The following PALM2AKAP2 variants were observed in gnomAD, a reference collection of about 807,000 sequenced individuals.
PALM2AKAP2 encodes the protein PALM2 and AKAP2 fusion.
In PALM2AKAP2, 37 loss-of-function variants were observed where a neutral mutation model predicts 71.5. The ratio of observed to expected loss-of-function variants is 0.52; its 90% CI spans 0.40 to 0.68. The LOEUF (loss-of-function observed/expected upper bound fraction) is 0.68. PALM2AKAP2 is among the 30% of genes least tolerant of loss of function. The probability of loss-of-function intolerance (pLI) is 0.00; values close to 1 mark genes in which losing one functional copy is unlikely to be tolerated. For missense variants in PALM2AKAP2, 1,224 were observed against 1,191.8 expected (o/e 1.03, Z -0.40); for synonymous variants, 468 against 478.8 (o/e 0.98, Z 0.29).
intron 3 of PALM2AKAP2, 152 bp from the exon 4 acceptor site, chr9:109,923,583 T>C: frequency 1.4e-6 from 1 of 721,672 alleles, no homozygotes; most frequent in Non-Finnish European, 2.2e-6. Flanking sequence ...CACAAGATGC[T>C]GTGTAATGTA....
chr9:109,641,100 C>T (rs1827059757), intron 1 of PALM2AKAP2, among the ~76,000 whole-genome samples: 1 of 152,100 alleles, frequency 6.6e-6, no homozygotes, highest in Non-Finnish European at 1.5e-5. Context: ...GCCTGGGGGG[C>T]GAGTGAGGGG....
chr9:109,895,878 G>T (rs745520735), intron 3 of PALM2AKAP2, among the ~76,000 whole-genome samples: 7 of 152,112 alleles, frequency 4.6e-5, no homozygotes, highest in Admixed American at 1.3e-4. Flanking sequence ...CAGCAGCAAG[G>T]AGAAGCGCTG....
rs187371221 is a variant in PALM2AKAP2 at position 109,757,422 on chromosome 9, G to C, written c.6-23066G>C. ...GATGCCTGGTGCCCTTACCACTTAT[G>C]AAGTAACCATCGGTTTCCACCACTA... On this transcript the variant is annotated intron_variant, in intron 1 of 6. Transcript: ENST00000374531. Among the ~76,000 whole-genome samples, 558 of 152,158 alleles carry C rather than the reference G, an allele frequency of 3.7e-3. 3 individuals carry two copies. Among genetic ancestry groups the C allele is most frequent in the Non-Finnish European group, 6.4e-3 (434 of 68,002 alleles).
chr9:110,145,875 T>C (rs1836153219), intron 2 of PALM2AKAP2, among the ~76,000 whole-genome samples: 1 of 143,444 alleles, frequency 7.0e-6, no homozygotes, highest in Non-Finnish European at 1.5e-5. Flanking sequence ...TAAACCTGCC[T>C]GTCAGCCTCA....
intron 2 of PALM2AKAP2, among the ~76,000 whole-genome samples, chr9:110,140,210 T>A (rs1364427708): frequency 6.6e-6 from 1 of 152,242 alleles, no homozygotes; most frequent in East Asian, 1.9e-4. Context: ...TGGATTATAA[T>A]CCATTTCTTT....
intron 1 of PALM2AKAP2, among the ~76,000 whole-genome samples, chr9:109,688,750 A>T (rs988100345): frequency 6.6e-6 from 1 of 152,246 alleles, no homozygotes; most frequent in Non-Finnish European, 1.5e-5. Flanking sequence ...ATGCTAACAA[A>T]TAATTATAGG....
At chr9:109,717,331 C>G (rs372717342) in intron 1 of PALM2AKAP2, among the ~76,000 whole-genome samples, 1 of 152,112 alleles carries the variant, frequency 6.6e-6, no homozygotes, top group East Asian at 1.9e-4. Flanking sequence ...CTGCTTTGGT[C>G]AGGCTGGCTC....
intron 1 of PALM2AKAP2, among the ~76,000 whole-genome samples, chr9:109,657,185 C>A (rs56123241): frequency 0.089 from 13,583 of 152,280 alleles, 736 homozygotes; most frequent in South Asian, 0.19. Flanking sequence ...AAATTCTCAA[C>A]CACTGTGAGA....
In PALM2AKAP2 at chr9:109,867,164, C is replaced by CTCTG. The variant is rs879237135; in HGVS notation, c.46-326_46-325insCTGT. On this transcript the variant is annotated intron_variant, in intron 1 of 9. Coordinates refer to the PALM2AKAP2 transcript ENST00000302798. ...TTAACACTGCACAGAACATGGTTCT[C>CTCTG]TGTGTGTGTGTGTGTGTGTGTGTGT... 1,848 of 399,696 alleles carry CTCTG rather than the reference C, an allele frequency of 4.6e-3. 2 individuals carry two copies. The highest frequency in any genetic ancestry group is 6.7e-3 in the Non-Finnish European group (1,336 of 199,738). The allele number at this position is 399,696 out of a possible 1,614,324, so 24.8% of individuals were successfully genotyped here. A position where few individuals can be genotyped will look rare whatever the true frequency, so the allele number is the denominator to read the frequency against.
At chr9:109,686,247 A>G (rs1827804220) in intron 1 of PALM2AKAP2, among the ~76,000 whole-genome samples, 1 of 152,218 alleles carries the variant, frequency 6.6e-6, no homozygotes, top group Non-Finnish European at 1.5e-5. Flanking sequence ...TCTTAATGGC[A>G]TCTAGAATGG....
intron 7 of PALM2AKAP2, among the ~76,000 whole-genome samples, chr9:110,027,389 C>T (rs1213414232): frequency 2.6e-5 from 4 of 152,162 alleles, no homozygotes; most frequent in Admixed American, 1.3e-4. Context: ...CCAACTAAAT[C>T]GTAGATGCTC....
intron 1 of PALM2AKAP2, among the ~76,000 whole-genome samples, chr9:110,135,436 A>G (rs1835841777): frequency 6.6e-6 from 1 of 151,068 alleles, no homozygotes; most frequent in Non-Finnish European, 1.5e-5. Context: ...AACTGAAGAT[A>G]TCACATATAA....
chr9:110,130,354 T>G (rs1338057863), intron 1 of PALM2AKAP2, among the ~76,000 whole-genome samples: 3 of 152,244 alleles, frequency 2.0e-5, no homozygotes, highest in Non-Finnish European at 2.9e-5. Context: ...GACCCCAGAC[T>G]CTGGTCTTTG....
At chr9:109,786,359 G>A (rs1177152233) in intron 1 of PALM2AKAP2, among the ~76,000 whole-genome samples, 2 of 152,240 alleles carry the variant, frequency 1.3e-5, no homozygotes, top group Non-Finnish European at 2.9e-5. Context: ...AACAGGCACT[G>A]TGATTCATGT....
intron 1 of PALM2AKAP2, among the ~76,000 whole-genome samples, chr9:109,702,097 G>C (rs902249106): frequency 6.6e-6 from 1 of 152,188 alleles, no homozygotes. Flanking sequence ...AACAACAGGT[G>C]CTGGAGAGGA....
chr9:109,722,401 A>G (rs1017996206), intron 1 of PALM2AKAP2, among the ~76,000 whole-genome samples: 3 of 152,156 alleles, frequency 2.0e-5, no homozygotes, highest in Admixed American at 1.3e-4. Flanking sequence ...GAGGAATAGG[A>G]GTGGGAGGGG....
intron 1 of PALM2AKAP2, among the ~76,000 whole-genome samples, chr9:110,119,268 G>A (rs1386553673): frequency 2.0e-5 from 3 of 150,494 alleles, no homozygotes; most frequent in Middle Eastern, 3.4e-3. Flanking sequence ...GCTTGAACCC[G>A]GGAGGCAGAG....
Position 110,117,305 on chromosome 9 carries a change from T to C in PALM2AKAP2, c.157-18822T>C, listed in dbSNP as rs191876001. Reference sequence around the variant, plus strand: ...CGGTTCATTTTTTAAAATTATTTTTTGTAGAGATGGGGTCCCACTATGTTG... The same window carrying C: ...CGGTTCATTTTTTAAAATTATTTTTCGTAGAGATGGGGTCCCACTATGTTG... On this transcript the variant is annotated intron_variant, in intron 1 of 3. Transcript: ENST00000374525. Among the ~76,000 whole-genome samples, 215 of 152,168 alleles carry C rather than the reference T, an allele frequency of 1.4e-3. 4 individuals are homozygous for C. Among genetic ancestry groups the C allele is most frequent in the Admixed American group, 0.011 (169 of 15,284 alleles).
At chr9:109,920,561 G>A (rs1002819772) in intron 3 of PALM2AKAP2, among the ~76,000 whole-genome samples, 1 of 151,792 alleles carries the variant, frequency 6.6e-6, no homozygotes, top group Non-Finnish European at 1.5e-5. Flanking sequence ...TGTATTTTTA[G>A]TAGAGACGGG....
Sources: allele counts gnomAD v4.1 joint callset (sites outside exome capture counted in the v4.1 genomes callset), GRCh38; gene constraint gnomAD v4.1.1; transcripts MANE v1.5; gene names NCBI Gene and HGNC (gene_info 2026-07-23, HGNC 2026-07-21).